The following DRC8 variants were observed in gnomAD, a reference collection of about 807,000 sequenced individuals.
DRC8 encodes the protein dynein regulatory complex subunit 8, also known as dynein regulatory complex protein 8.
the DRC8 span, among the ~76,000 whole-genome samples, chr1:245,119,761 G>A: frequency 6.4e-4 from 97 of 151,930 alleles, no homozygotes; most frequent in African/African-American, 2.2e-3. Context: ...GTGAAGCCCC[G>A]TCTCTACTAA....
At chr1:245,112,658 C>T in the DRC8 span, among the ~76,000 whole-genome samples, 16 of 152,226 alleles carry the variant, frequency 1.1e-4, no homozygotes, top group African/African-American at 3.9e-4. Context: ...TTCACATTGT[C>T]GTGCAGCCAT....
chr1:245,068,502 C>A, the DRC8 span, among the ~76,000 whole-genome samples: 1 of 151,936 alleles, frequency 6.6e-6, no homozygotes. Context: ...AGTACTATGG[C>A]AAGATCATAG....
chr1:245,069,562 G>A, the DRC8 span, among the ~76,000 whole-genome samples: 23 of 152,270 alleles, frequency 1.5e-4, no homozygotes, highest in Admixed American at 1.5e-3. Flanking sequence ...TGCATGTGAG[G>A]TATCCAAAAT....
chr1:245,059,329 A>G, the DRC8 span: 1 of 1,238,904 alleles, frequency 8.1e-7, no homozygotes, highest in Non-Finnish European at 1.2e-6. Context: ...AATTTGGAGA[A>G]ACCTGGCCTT....
the DRC8 span, among the ~76,000 whole-genome samples, chr1:244,997,846 T>C: frequency 6.6e-6 from 1 of 152,026 alleles, no homozygotes; most frequent in African/African-American, 2.4e-5. Context: ...TGTCTGGCCC[T>C]GAAATTCGTG....
chr1:245,035,357 A>T, the DRC8 span, among the ~76,000 whole-genome samples: 2 of 151,842 alleles, frequency 1.3e-5, no homozygotes, highest in Non-Finnish European at 2.9e-5. Flanking sequence ...TACTGGCATG[A>T]TGATGTAAGG....
chr1:245,062,989 A>G, the DRC8 span, among the ~76,000 whole-genome samples: 1 of 152,070 alleles, frequency 6.6e-6, no homozygotes, highest in African/African-American at 2.4e-5. Flanking sequence ...AATCTAGTCA[A>G]CCCTGGCTTG....
chr1:245,059,433 G>A, the DRC8 span: 1 of 1,612,912 alleles, frequency 6.2e-7, no homozygotes, highest in Non-Finnish European at 8.5e-7. Flanking sequence ...CCTACGGAAG[G>A]AGAGCTGCAT....
At chr1:244,972,089 T>C in the DRC8 span, among the ~76,000 whole-genome samples, 1 of 152,214 alleles carries the variant, frequency 6.6e-6, no homozygotes, top group Non-Finnish European at 1.5e-5. Context: ...ATACAGTATT[T>C]CTCGTTTTTT....
At chr1:245,034,997 A>T in the DRC8 span, among the ~76,000 whole-genome samples, 7 of 152,258 alleles carry the variant, frequency 4.6e-5, no homozygotes, top group African/African-American at 1.4e-4. Context: ...AATGAGAGTC[A>T]TTTGTACAAC....
At chr1:245,046,852 C>T in the DRC8 span, among the ~76,000 whole-genome samples, 1 of 152,178 alleles carries the variant, frequency 6.6e-6, no homozygotes, top group South Asian at 2.1e-4. Context: ...CACTCGCTCT[C>T]TTATATTGCC....
At chr1:245,017,737 C>T in the DRC8 span, among the ~76,000 whole-genome samples, 2 of 151,988 alleles carry the variant, frequency 1.3e-5, no homozygotes, top group Non-Finnish European at 2.9e-5. Flanking sequence ...AATGCTTATG[C>T]GATGACACAC....
the DRC8 span, among the ~76,000 whole-genome samples, chr1:244,976,273 C>T: frequency 6.9e-6 from 1 of 144,726 alleles, no homozygotes; most frequent in Non-Finnish European, 1.5e-5. Context: ...CATCTCAAAA[C>T]AAAAAAACAA....
the DRC8 span, among the ~76,000 whole-genome samples, chr1:244,984,256 A>G: frequency 1.3e-5 from 2 of 152,110 alleles, no homozygotes; most frequent in African/African-American, 2.4e-5. Flanking sequence ...TTTCTCTCCA[A>G]TTTTAAAGAA....
At chr1:244,976,128 G>A in the DRC8 span, among the ~76,000 whole-genome samples, 4 of 152,062 alleles carry the variant, frequency 2.6e-5, no homozygotes, top group Admixed American at 2.6e-4. Flanking sequence ...AATTAGTTGG[G>A]TGTGGTGGTG....
chr1:245,025,514 G>A, the DRC8 span, among the ~76,000 whole-genome samples: 15 of 152,174 alleles, frequency 9.9e-5, no homozygotes, highest in African/African-American at 3.6e-4. Flanking sequence ...TTTCAGAACA[G>A]GTTGATACTC....
the DRC8 span, among the ~76,000 whole-genome samples, chr1:245,033,166 C>A: frequency 8.5e-5 from 13 of 152,146 alleles, no homozygotes; most frequent in Admixed American, 5.2e-4. Flanking sequence ...GGCGGGCTCT[C>A]CAACCCAACT....
At chr1:245,007,838 T>C in the DRC8 span, among the ~76,000 whole-genome samples, 405 of 152,128 alleles carry the variant, frequency 2.7e-3, 2 homozygotes, top group African/African-American at 9.3e-3. Flanking sequence ...GTAATGACTT[T>C]GGGGTAGTGC....
chr1:244,989,050 T>C, the DRC8 span, among the ~76,000 whole-genome samples: 1 of 152,198 alleles, frequency 6.6e-6, no homozygotes, highest in African/African-American at 2.4e-5. Flanking sequence ...CAAAATTTGT[T>C]CAAAGTACAA....
Sources: gnomAD v4.1 joint callset for allele counts (sites outside exome capture counted in the v4.1 genomes callset) on GRCh38, gnomAD v4.1.1 for gene constraint, MANE v1.5 for transcripts, NCBI Gene and HGNC (gene_info 2026-07-23, HGNC 2026-07-21) for gene names.